The following PTPRZ1 variants were observed in gnomAD, a reference collection of about 807,000 sequenced individuals.
PTPRZ1 encodes the protein receptor-type tyrosine-protein phosphatase zeta.
A neutral mutation model predicts 214.1 loss-of-function variants in PTPRZ1; 82 were observed. That is an observed-to-expected ratio of 0.38 (90% CI 0.32 to 0.46). PTPRZ1 has a LOEUF of 0.46. Among genes scored for constraint, PTPRZ1 ranks in the 20% least tolerant of loss-of-function variants. The pLI is 1.00. For synonymous variants in PTPRZ1, 945 were observed against 987.9 expected, an observed-to-expected ratio of 0.96 and a Z score of 0.81; for missense variants, 2,603 against 2,748.7, an observed-to-expected ratio of 0.95 and a Z score of 1.19.
intron 1 of PTPRZ1, among the ~76,000 whole-genome samples, chr7:121,878,590 A>G (rs1193791385): frequency 6.6e-6 from 1 of 152,222 alleles, no homozygotes; most frequent in African/African-American, 2.4e-5. Flanking sequence ...GAGGTTGAAC[A>G]GAAGAGATTA....
chr7:121,893,317 G>A (rs538689328), intron 1 of PTPRZ1, among the ~76,000 whole-genome samples: 2 of 152,310 alleles, frequency 1.3e-5, no homozygotes, highest in South Asian at 4.1e-4. Flanking sequence ...TTCCTTGTCA[G>A]TCCAGACTGG....
At chr7:121,884,656 A>C (rs1400466999) in intron 1 of PTPRZ1, among the ~76,000 whole-genome samples, 2 of 152,182 alleles carry the variant, frequency 1.3e-5, no homozygotes, top group African/African-American at 4.8e-5. Flanking sequence ...TTTGTTGAAC[A>C]TTTACTGTGT....
chr7:121,908,869 AAT>A, intron 1 of PTPRZ1: 3 of 499,198 alleles, frequency 6.0e-6, no homozygotes, highest in South Asian at 4.5e-5. Context: ...ATATATATAA[AAT>A]ATATAGTGTG....
At chr7:121,912,805 C>T (rs1015845416) in intron 1 of PTPRZ1, among the ~76,000 whole-genome samples, 4 of 151,970 alleles carry the variant, frequency 2.6e-5, no homozygotes, top group South Asian at 2.1e-4. Flanking sequence ...CAAAATTTCC[C>T]GTTTTCTGTT....
chr7:121,912,973 A>C (rs1185405968), intron 1 of PTPRZ1, among the ~76,000 whole-genome samples: 1 of 152,206 alleles, frequency 6.6e-6, no homozygotes, highest in Admixed American at 6.5e-5. Flanking sequence ...TTTGTCATTT[A>C]TTCATGTAAT....
At chr7:122,030,276 CACTT>C in intron 14 of PTPRZ1, among the ~76,000 whole-genome samples, 1 of 152,054 alleles carries the variant, frequency 6.6e-6, no homozygotes, top group East Asian at 1.9e-4. Context: ...ATGTTAGTCT[CACTT>C]ACTTGCAGAC....
At chr7:121,986,126 A>G (rs1345784092) in intron 8 of PTPRZ1, among the ~76,000 whole-genome samples, 3 of 152,220 alleles carry the variant, frequency 2.0e-5, no homozygotes, top group Non-Finnish European at 2.9e-5. Flanking sequence ...GTAATAATCC[A>G]TAATAACAAA....
intron 21 of PTPRZ1, 52 bp from the exon 22 acceptor site, chr7:122,042,556 A>G (rs1285505167): frequency 6.6e-7 from 1 of 1,519,134 alleles, no homozygotes; most frequent in African/African-American, 1.4e-5. Flanking sequence ...CTATTTTTCA[A>G]ATTTATTTTA....
At chr7:121,930,282 A>G (rs1478680310) in intron 2 of PTPRZ1, among the ~76,000 whole-genome samples, 1 of 152,184 alleles carries the variant, frequency 6.6e-6, no homozygotes, top group African/African-American at 2.4e-5. Flanking sequence ...CATCTATAAA[A>G]TACTACTTTT....
intron 25 of PTPRZ1, 111 bp downstream of exon 25, chr7:122,052,050 T>A: frequency 1.3e-6 from 1 of 774,382 alleles, no homozygotes; most frequent in Non-Finnish European, 2.0e-6. Flanking sequence ...GTGGTAAATT[T>A]AAGTTAAATC....
chr7:121,989,343 C>T (rs562907481), intron 8 of PTPRZ1, among the ~76,000 whole-genome samples: 1 of 151,312 alleles, frequency 6.6e-6, no homozygotes, highest in Admixed American at 6.6e-5. Context: ...TATCATTTGT[C>T]CTGTGCATAG....
chr7:121,897,534 C>A (rs1023021018), intron 1 of PTPRZ1, among the ~76,000 whole-genome samples: 2 of 152,182 alleles, frequency 1.3e-5, no homozygotes, highest in Admixed American at 1.3e-4. Flanking sequence ...CACAGCCCAG[C>A]AATGCACGAT....
intron 2 of PTPRZ1, among the ~76,000 whole-genome samples, chr7:121,946,450 G>C (rs976348926): frequency 6.6e-6 from 1 of 152,102 alleles, no homozygotes; most frequent in Non-Finnish European, 1.5e-5. Context: ...AAAAACAGTT[G>C]TCATCACTCT....
chr7:122,021,666 A>G (rs1308529826), intron 13 of PTPRZ1, among the ~76,000 whole-genome samples: 1 of 152,120 alleles, frequency 6.6e-6, no homozygotes, highest in Non-Finnish European at 1.5e-5. Flanking sequence ...ACTTGAGCCC[A>G]GGAGTCAAGG....
intron 1 of PTPRZ1, among the ~76,000 whole-genome samples, chr7:121,895,066 G>T (rs193045123): frequency 1.3e-5 from 2 of 152,144 alleles, no homozygotes; most frequent in Admixed American, 6.5e-5. Flanking sequence ...TGCATAAATT[G>T]TTTATATCTT....
chr7:121,915,354 G>A (rs893411462), intron 1 of PTPRZ1, among the ~76,000 whole-genome samples: 21 of 152,090 alleles, frequency 1.4e-4, no homozygotes, highest in African/African-American at 4.3e-4. Context: ...CTCTGAGACC[G>A]GAGAGGCTTC....
intron 1 of PTPRZ1, among the ~76,000 whole-genome samples, chr7:121,902,677 A>C (rs371369402): frequency 1.3e-5 from 2 of 152,074 alleles, no homozygotes; most frequent in African/African-American, 4.8e-5. Context: ...AGAAATATCT[A>C]TTCAGATCTT....
intron 27 of PTPRZ1, among the ~76,000 whole-genome samples, chr7:122,055,764 CAA>C (rs1792331939): frequency 6.6e-6 from 1 of 151,842 alleles, no homozygotes; most frequent in African/African-American, 2.4e-5. Flanking sequence ...AAGATACTAA[CAA>C]TGATGTCTAA....
At chr7:122,009,450 C>T (rs975174536) in intron 11 of PTPRZ1, among the ~76,000 whole-genome samples, 3 of 71,646 alleles carry the variant, frequency 4.2e-5, no homozygotes, top group Non-Finnish European at 5.8e-5. Context: ...TCATGTCCCA[C>T]ATGAACTAAA....
Sources: allele counts gnomAD v4.1 joint callset (sites outside exome capture counted in the v4.1 genomes callset), GRCh38; gene constraint gnomAD v4.1.1; transcripts MANE v1.5; gene names NCBI Gene and HGNC (gene_info 2026-07-23, HGNC 2026-07-21).